Variants in RPH3A observed in about 807,000 individuals in gnomAD.
RPH3A encodes rabphilin 3A.
RPH3A carries 48 observed loss-of-function variants against 102.2 expected under a neutral mutation model. The ratio of observed to expected loss-of-function variants is 0.47; its 90% CI spans 0.37 to 0.60. RPH3A has a LOEUF of 0.60. Among genes scored for constraint, RPH3A ranks in the 20% least tolerant of loss-of-function variants. The pLI is 0.00. For synonymous variants in RPH3A, 310 were observed against 324.3 expected (o/e 0.96, Z 0.47); for missense variants, 781 against 910.1 (o/e 0.86, Z 1.83).
At position 112,897,175 on chromosome 12, in the gene RPH3A, C is replaced by CACACACACACACA; in HGVS notation, c.*395_*396insACACACACACACA. On this transcript the variant is annotated 3_prime_UTR_variant, in exon 22 of 22. Coordinates refer to ENST00000389385, the MANE Select transcript of RPH3A (RefSeq NM_001143854.2). ...ACACACACACACACACACACACACA[C>CACACACACACACA]CCTTTCATTCCCTGTGTTGTGTCTC... 5.7e-6 allele frequency: 1 copy of CACACACACACACA among 176,128 alleles called. No individual in the cohort carries two copies. The highest frequency in any genetic ancestry group is 5.5e-5 in the Admixed American group (1 of 18,146). 10.9% of individuals were successfully genotyped at this position (176,128 alleles called of 1,614,324 possible).
chr12:112,790,567 C>T (rs771956589), upstream of RPH3A, among the ~76,000 whole-genome samples: 1 of 152,160 alleles, frequency 6.6e-6, no homozygotes, highest in Non-Finnish European at 1.5e-5. Flanking sequence ...TTTGAGATTT[C>T]CTGGCCTTTT....
At chr12:112,808,731 C>T (rs1219043313) in intron 2 of RPH3A, among the ~76,000 whole-genome samples, 1 of 152,130 alleles carries the variant, frequency 6.6e-6, no homozygotes, top group Non-Finnish European at 1.5e-5. Flanking sequence ...TTGCCTGGAA[C>T]TTACTAGAAA....
At chr12:112,822,057 T>G (rs2041790878) in intron 2 of RPH3A, among the ~76,000 whole-genome samples, 1 of 152,078 alleles carries the variant, frequency 6.6e-6, no homozygotes. Context: ...TCCCCCAATG[T>G]GAGGCCCTTT....
At chr12:112,582,614 CTTT>C (rs1263270263) in intron 1 of RPH3A, among the ~76,000 whole-genome samples, 1 of 116,352 alleles carries the variant, frequency 8.6e-6, no homozygotes. Context: ...GTCCAGCTAG[CTTT>C]TTTTTTTTTT....
intron 1 of RPH3A, among the ~76,000 whole-genome samples, chr12:112,764,787 G>C (rs1038487434): frequency 1.2e-4 from 18 of 151,904 alleles, no homozygotes; most frequent in African/African-American, 4.4e-4. Context: ...TTCTCCCTCT[G>C]TCTACCCAGA....
chr12:112,713,678 A>G (rs771172121), intron 1 of RPH3A, among the ~76,000 whole-genome samples: 4 of 152,208 alleles, frequency 2.6e-5, no homozygotes, highest in Admixed American at 6.5e-5. Context: ...GAGTCCCACC[A>G]GCTGGCAGTG....
chr12:112,839,158 T>G (rs2042102710), intron 4 of RPH3A, among the ~76,000 whole-genome samples: 2 of 152,302 alleles, frequency 1.3e-5, no homozygotes, highest in South Asian at 4.1e-4. Context: ...ATTCAGAAGC[T>G]AAATCTTTGA....
intron 1 of RPH3A, among the ~76,000 whole-genome samples, chr12:112,654,785 T>A (rs748086321): frequency 2.6e-5 from 4 of 152,206 alleles, no homozygotes; most frequent in Non-Finnish European, 4.4e-5. Context: ...CTGCTGTAAC[T>A]CCTTGATCCA....
At chr12:112,663,113 A>C (rs1266812673) in intron 1 of RPH3A, among the ~76,000 whole-genome samples, 1 of 151,482 alleles carries the variant, frequency 6.6e-6, no homozygotes, top group Non-Finnish European at 1.5e-5. Flanking sequence ...AGAGCGAGAG[A>C]GAGAGAGAGA....
intron 1 of RPH3A, among the ~76,000 whole-genome samples, chr12:112,747,277 C>T (rs776212816): frequency 6.6e-6 from 1 of 152,152 alleles, no homozygotes; most frequent in African/African-American, 2.4e-5. Context: ...GGGATTAGTG[C>T]TCTTATGAAA....
rs139905854 is a variant in RPH3A, at chr12:112,695,696, T to C, written c.-139-96447T>C. On this transcript the variant is annotated intron_variant, in intron 1 of 21. Transcript: ENST00000543106. ...AGAGGTTAAGAGATTGGCCCAAAGATGGCCAGTGGTTGCCCACATTCATGG... is the reference window on the plus strand; with the variant it reads ...AGAGGTTAAGAGATTGGCCCAAAGACGGCCAGTGGTTGCCCACATTCATGG... Among the ~76,000 whole-genome samples the C allele has an allele frequency of 3.2e-3, 487 of 152,376 alleles. 3 individuals are homozygous for C. Among genetic ancestry groups the C allele is most frequent in the African/African-American group, 0.011 (458 of 41,598 alleles).
At chr12:112,698,016 A>G (rs888040810) in intron 1 of RPH3A, among the ~76,000 whole-genome samples, 3 of 152,254 alleles carry the variant, frequency 2.0e-5, no homozygotes, top group Non-Finnish European at 4.4e-5. Flanking sequence ...TTCAAGACTT[A>G]TTAAAGAGCT....
chr12:112,891,355 G>C (rs1249732803), intron 19 of RPH3A, among the ~76,000 whole-genome samples: 1 of 152,150 alleles, frequency 6.6e-6, no homozygotes, highest in African/African-American at 2.4e-5. Flanking sequence ...CCACCAAAGA[G>C]GCCATCTGGC....
chr12:112,890,052 C>T lies in RPH3A; in HGVS notation c.1592C>T (p.Ala531Val), dbSNP rs777591556. 1 of 1,613,624 alleles carries T rather than the reference C, an allele frequency of 6.2e-7. No individual in the cohort carries two copies. The highest frequency in any genetic ancestry group is 1.7e-5 in the Admixed American group (1 of 60,028). ...AAACGTGCTGGGACCACCGGGTCAG[C>T]CCGAGGCATGGCCCTTTATGAGGAA... is the stretch of plus-strand genomic sequence containing the variant. ...PMKRAGTTGS[A>V]RGMALYEEEQ... The change falls in exon 18 of 22, where the codon GCC (alanine) becomes GTC (valine). Residue 531 changes from alanine to valine, a missense_variant. Transcript: ENST00000389385.
At chr12:112,758,072 T>A (rs1320792803) in intron 1 of RPH3A, among the ~76,000 whole-genome samples, 1 of 151,964 alleles carries the variant, frequency 6.6e-6, no homozygotes, top group Non-Finnish European at 1.5e-5. Context: ...TGCCCTGGAG[T>A]TTTCCTGTTC....
At chr12:112,695,259 T>C (rs1401661417) in intron 1 of RPH3A, 1 of 167,504 alleles carries the variant, frequency 6.0e-6, no homozygotes, top group East Asian at 1.9e-4. Context: ...TGGTATTGCT[T>C]CTGGTGTATA....
chr12:112,618,925 G>A (rs888762548), intron 1 of RPH3A, among the ~76,000 whole-genome samples: 7 of 152,080 alleles, frequency 4.6e-5, no homozygotes, highest in Admixed American at 3.9e-4. Context: ...GCCTATTCTG[G>A]ACATTTCATA....
At chr12:112,642,813 T>A (rs1000425490) in intron 1 of RPH3A, among the ~76,000 whole-genome samples, 2 of 152,218 alleles carry the variant, frequency 1.3e-5, no homozygotes, top group Non-Finnish European at 2.9e-5. Flanking sequence ...CTCACATCAA[T>A]TCCATAAGGT....
intron 1 of RPH3A, among the ~76,000 whole-genome samples, chr12:112,687,327 C>T (rs901245094): frequency 6.6e-6 from 1 of 152,130 alleles, no homozygotes; most frequent in African/African-American, 2.4e-5. Flanking sequence ...TACCTTCGTG[C>T]TTGTCCCTTA....
Sources: allele counts gnomAD v4.1 joint callset (sites outside exome capture counted in the v4.1 genomes callset), GRCh38; gene constraint gnomAD v4.1.1; transcripts MANE v1.5; gene names NCBI Gene and HGNC (gene_info 2026-07-23, HGNC 2026-07-21).